RAP1GAP2: variants seen among roughly 807,000 people sequenced by gnomAD.
RAP1GAP2 encodes the protein RAP1 GTPase activating protein 2.
A neutral mutation model predicts 95.0 loss-of-function variants in RAP1GAP2; 27 were observed. The observed-to-expected ratio is 0.28, with a 90% CI of 0.21 to 0.39. The LOEUF (loss-of-function observed/expected upper bound fraction) is 0.39, where lower values mean the gene tolerates loss of function less well. Ranked by LOEUF, RAP1GAP2 falls within the 10% of genes least tolerant of loss-of-function variation. The pLI is 1.00. For missense variants in RAP1GAP2, 771 were observed against 970.0 expected (o/e 0.79, Z 2.72); for synonymous variants, 373 against 380.9 (o/e 0.98, Z 0.24).
chr17:2,766,615 A>G (rs897540035), intron 1 of RAP1GAP2, among the ~76,000 whole-genome samples: 1 of 152,092 alleles, frequency 6.6e-6, no homozygotes, highest in African/African-American at 2.4e-5. Flanking sequence ...GTCTAAAAAA[A>G]AAAAAGTGGA....
At chr17:3,013,432 G>C (rs961591136) in intron 17 of RAP1GAP2, among the ~76,000 whole-genome samples, 3 of 152,112 alleles carry the variant, frequency 2.0e-5, no homozygotes, top group Non-Finnish European at 2.9e-5. Flanking sequence ...TCGGAGTCAT[G>C]GTCTCTTGGA....
At chr17:3,019,105 G>A (rs1445788854) in intron 18 of RAP1GAP2, among the ~76,000 whole-genome samples, 1 of 151,940 alleles carries the variant, frequency 6.6e-6, no homozygotes, top group Non-Finnish European at 1.5e-5. Flanking sequence ...ATTTGAATGC[G>A]ATTCTGCTGG....
In RAP1GAP2 at chr17:3,035,253, G is replaced by T. The variant is rs554756133; in HGVS notation, c.*1892G>T. On this transcript the variant is annotated 3_prime_UTR_variant, in exon 25 of 25. Transcript: ENST00000254695. This position sits in a 1 kb window ranked among gnomAD's most constrained non-coding sequence, Gnocchi z 4.3. ...GGAAAGAGGCCTGTACGTTCTGGAC[G>T]CGTTTTGTTGGCTGGGCTTCTGGAG... 388 of 152,650 alleles carry T rather than the reference G, an allele frequency of 2.5e-3. 1 individual carries two copies. The highest frequency in any genetic ancestry group is 4.5e-3 in the Non-Finnish European group (304 of 68,032). 9.5% of individuals were successfully genotyped at this position (152,650 alleles called of 1,614,324 possible).
intron 8 of RAP1GAP2, among the ~76,000 whole-genome samples, chr17:2,967,140 G>A (rs566957221): frequency 2.6e-5 from 4 of 152,094 alleles, no homozygotes. Context: ...AGGTCAAGGC[G>A]GGTGGATCAC....
At position 2,832,215 on chromosome 17, in the gene RAP1GAP2, AG is replaced by A. The variant is rs767977576; in HGVS notation, c.80+31666del. Among the ~76,000 whole-genome samples the A allele has an allele frequency of 1.8e-4, 27 of 147,712 alleles. 5 individuals carry two copies. Among genetic ancestry groups the A allele is most frequent in the African/African-American group, 3.5e-4 (14 of 40,260 alleles). On this transcript the variant is annotated intron_variant, in intron 2 of 24. Transcript: ENST00000254695. Reference sequence around the variant, plus strand: ...TGAGACTCTGTCTCCAAAAAAAAAAAGAAAACAAAAAAACCCAAATCATTTT... The same window carrying A: ...TGAGACTCTGTCTCCAAAAAAAAAAAAAAACAAAAAAACCCAAATCATTTT...
In RAP1GAP2 at chr17:2,855,515, G is replaced by T. The variant is rs925049151; in HGVS notation, c.81-49769G>T. Among the ~76,000 whole-genome samples, 2 of 152,184 alleles carry T rather than the reference G, an allele frequency of 1.3e-5. No individual in the cohort carries two copies. The highest frequency in any genetic ancestry group is 2.4e-5 in the African/African-American group (1 of 41,442). On this transcript the variant is annotated intron_variant, in intron 2 of 24. Coordinates refer to ENST00000254695, the MANE Select transcript of RAP1GAP2 (RefSeq NM_015085.5). This position sits in a 1 kb window ranked among gnomAD's most constrained non-coding sequence, Gnocchi z 4.3. ...CATTTATTTTTAGGATTCTCTCCTG[G>T]TTAATGGCCAGTGGTACTGATGTTT...
At chr17:2,970,887 T>A (rs2044840126) in intron 8 of RAP1GAP2, among the ~76,000 whole-genome samples, 1 of 151,738 alleles carries the variant, frequency 6.6e-6, no homozygotes, top group African/African-American at 2.4e-5. Context: ...AAAAAAAAAT[T>A]AGCTGGGTGA....
intron 3 of RAP1GAP2, among the ~76,000 whole-genome samples, chr17:2,907,979 G>A (rs2042255382): frequency 6.6e-6 from 1 of 151,890 alleles, no homozygotes. Context: ...GCTAACTTTT[G>A]TATTTTTAGT....
chr17:2,821,874 G>A (rs1286867750), intron 2 of RAP1GAP2, among the ~76,000 whole-genome samples: 6 of 152,104 alleles, frequency 3.9e-5, no homozygotes, highest in African/African-American at 7.2e-5. Flanking sequence ...ATGAGGTCCA[G>A]ACTCCCCTGG....
chr17:2,876,393 C>T (rs12103539), intron 2 of RAP1GAP2, among the ~76,000 whole-genome samples: 2,173 of 152,180 alleles, frequency 0.014, 48 homozygotes, highest in African/African-American at 0.048. Flanking sequence ...TTTAGGGAGA[C>T]GTGAGACATC....
chr17:2,947,752 C>T (rs571589230), intron 3 of RAP1GAP2, among the ~76,000 whole-genome samples: 2 of 151,764 alleles, frequency 1.3e-5, no homozygotes, highest in South Asian at 2.1e-4. Flanking sequence ...GGTGGTCAGA[C>T]GACATGGGAC....
rs959065066 is a variant in RAP1GAP2 at position 3,004,596 on chromosome 17, T to G, written c.1201-773T>G. 6.6e-6 allele frequency among the ~76,000 whole-genome samples: 1 copy of G among 152,234 alleles called. No homozygotes were observed. Among genetic ancestry groups the G allele is most frequent in the Non-Finnish European group, 1.5e-5 (1 of 68,046 alleles). ...CCGTCCCACGCCTGGGCGACCCCCA[T>G]GCAGCGAACCTCGAGGCCGTCACTC... is the stretch of plus-strand genomic sequence containing the variant. On this transcript the variant is annotated intron_variant, in intron 14 of 24. Coordinates refer to ENST00000254695, the MANE Select transcript of RAP1GAP2 (RefSeq NM_015085.5). The surrounding 1 kb of genome is among the most constrained non-coding windows in gnomAD (Gnocchi z 4.1).
At chr17:2,899,384 A>T (rs1178043768) in intron 2 of RAP1GAP2, among the ~76,000 whole-genome samples, 5 of 150,422 alleles carry the variant, frequency 3.3e-5, no homozygotes, top group East Asian at 2.0e-4. Context: ...TTTTTTAAAT[A>T]TTTTTTTTAG....
chr17:3,005,218 C>A lies in RAP1GAP2; in HGVS notation c.1201-151C>A. Reference sequence around the variant, plus strand: ...CCCACTTCTAGGAACAGGGTCAGGGCCTGTGCTGGCGATGCTCACAGGAGT... The same window carrying A: ...CCCACTTCTAGGAACAGGGTCAGGGACTGTGCTGGCGATGCTCACAGGAGT... On this transcript the variant is annotated intron_variant, in intron 14 of 24. Transcript: ENST00000254695. The surrounding 1 kb of genome is among the most constrained non-coding windows in gnomAD (Gnocchi z 5.2). The A allele has an allele frequency of 1.3e-6, 1 of 796,434 alleles. No homozygotes were observed. The highest frequency in any genetic ancestry group is 2.2e-6 in the Non-Finnish European group (1 of 460,400). 49.3% of individuals were successfully genotyped at this position (796,434 alleles called of 1,614,324 possible).
Position 2,767,737 on chromosome 17 carries a change from C to CT in RAP1GAP2, c.51-2577dup, listed in dbSNP as rs35038540. Reference sequence around the variant, plus strand: ...ATGGATGTACCATAATTTATTATAGCTTTTTTTTTTTTTTTGAGATGGACT... The same window carrying CT: ...ATGGATGTACCATAATTTATTATAGCTTTTTTTTTTTTTTTTGAGATGGACT... On this transcript the variant is annotated intron_variant, in intron 1 of 25. Coordinates refer to the RAP1GAP2 transcript ENST00000637138. Among the ~76,000 whole-genome samples the CT allele has an allele frequency of 7.7e-3, 1,099 of 142,238 alleles. 5 individuals are homozygous for CT. Among genetic ancestry groups the CT allele is most frequent in the Non-Finnish European group, 8.7e-3 (562 of 64,966 alleles). 93.3% of individuals were successfully genotyped at this position (142,238 alleles called of 152,430 possible). A position where few individuals can be genotyped will look rare whatever the true frequency, so the allele number is the denominator to read the frequency against.
chr17:2,802,607 C>T lies in RAP1GAP2; in HGVS notation c.80+2057C>T, dbSNP rs11870485. On this transcript the variant is annotated intron_variant, in intron 2 of 24. Transcript: ENST00000254695. ...GCACCTGTAATCCCAGCTACTCGGC[C>T]GACTGAGGCAGGAGAATTGCTTGAA... 5.3e-5 allele frequency among the ~76,000 whole-genome samples: 8 copies of T among 152,010 alleles called. No individual in the cohort carries two copies. The South Asian group carries it at 6.2e-4, about 12-fold the overall frequency.
intron 2 of RAP1GAP2, among the ~76,000 whole-genome samples, chr17:2,810,411 G>A (rs1482095190): frequency 1.3e-5 from 2 of 151,002 alleles, no homozygotes; most frequent in East Asian, 3.9e-4. Flanking sequence ...TGCACAACAT[G>A]CAGGTTTGTT....
In RAP1GAP2 at chr17:2,904,228, G is replaced by A. The variant is rs2151728545; in HGVS notation, c.81-1056G>A. Among the ~76,000 whole-genome samples, 1 of 152,218 alleles carries A rather than the reference G, an allele frequency of 6.6e-6. No homozygotes were observed. Among genetic ancestry groups the A allele is most frequent in the South Asian group, 2.1e-4 (1 of 4,822 alleles). ...CAGGACACTGGAGTCCCTCACCCGG[G>A]AATTCCCCAGGCTCTGCCCAGCTGG... On this transcript the variant is annotated intron_variant, in intron 2 of 24. Transcript: ENST00000254695. This position sits in a 1 kb window ranked among gnomAD's most constrained non-coding sequence, Gnocchi z 4.7.
chr17:2,808,602 G>C (rs2069622548), intron 2 of RAP1GAP2, among the ~76,000 whole-genome samples: 1 of 152,182 alleles, frequency 6.6e-6, no homozygotes, highest in African/African-American at 2.4e-5. Context: ...GGGTGCCTTT[G>C]GCAGGTGAGT....
Sources: allele counts gnomAD v4.1 joint callset (sites outside exome capture counted in the v4.1 genomes callset), GRCh38; gene constraint gnomAD v4.1.1; non-coding constraint Gnocchi (gnomAD v3.1); transcripts MANE v1.5; gene names NCBI Gene and HGNC (gene_info 2026-07-23, HGNC 2026-07-21).